SLC35F6: variants seen among roughly 807,000 people sequenced by gnomAD.
SLC35F6 encodes the protein solute carrier family 35 member F6.
Under a neutral mutation model 29.4 loss-of-function variants are expected in SLC35F6, and 26 were observed. That is an observed-to-expected ratio of 0.89 (90% CI 0.65 to 1.23). The LOEUF is 1.23. SLC35F6 is among the 50% of genes most tolerant of loss of function. The pLI is 0.00. For synonymous variants in SLC35F6, 174 were observed against 206.6 expected (o/e 0.84, Z 1.35); for missense variants, 428 against 487.8 (o/e 0.88, Z 1.15).
intron 1 of SLC35F6, among the ~76,000 whole-genome samples, chr2:26,773,096 T>C (rs968739027): frequency 3.9e-5 from 6 of 152,200 alleles, no homozygotes; most frequent in Non-Finnish European, 7.3e-5. Context: ...AGGACCCAAA[T>C]ACTCCTGTAG....
chr2:26,770,859 G>GC (rs1215152060), intron 1 of SLC35F6, among the ~76,000 whole-genome samples: 1 of 152,224 alleles, frequency 6.6e-6, no homozygotes, highest in Non-Finnish European at 1.5e-5. Flanking sequence ...AGCCTGTGAG[G>GC]CTGGGGTCTT....
In SLC35F6 at chr2:26,776,308, A is replaced by G. The variant is rs569958045; in HGVS notation, c.536-64A>G. 25 of 1,497,040 alleles carry G rather than the reference A, an allele frequency of 1.7e-5. No homozygotes were observed. In the African/African-American group the frequency reaches 2.9e-4, roughly 17 times the overall value. 92.7% of individuals were successfully genotyped at this position (1,497,040 alleles called of 1,614,324 possible). On this transcript the variant is annotated intron_variant, in intron 4 of 5. Coordinates refer to ENST00000344420, the MANE Select transcript of SLC35F6 (RefSeq NM_017877.4). ...GCTGGCATGTTTGGTCGCTGTGGCC[A>G]TGCTCTCCTGGCCCCCAGCCCCAGT...
Position 26,774,212 on chromosome 2 carries a change from G to T in SLC35F6, c.78-39G>T, listed in dbSNP as rs775769193. ...AGCCTCTTCACTAGCACCAGGGTAG[G>T]ATGCTGACAGGGTCTGACCTTCCCT... On this transcript the variant is annotated intron_variant, in intron 1 of 5. Transcript: ENST00000344420. The T allele has an allele frequency of 2.4e-5, 38 of 1,612,606 alleles. No individual in the cohort carries two copies. The South Asian group carries it at 2.8e-4, about 12-fold the overall frequency.
chr2:26,767,230 C>G (rs1664111037), intron 1 of SLC35F6, among the ~76,000 whole-genome samples: 1 of 152,206 alleles, frequency 6.6e-6, no homozygotes, highest in Admixed American at 6.5e-5. Flanking sequence ...TAAGTGGCAT[C>G]TGCGCTCCCA....
intron 1 of SLC35F6, among the ~76,000 whole-genome samples, chr2:26,767,205 GAAGTTGTAAACCTGT>G (rs1483177169): frequency 2.0e-5 from 3 of 152,204 alleles, no homozygotes; most frequent in Non-Finnish European, 2.9e-5. Flanking sequence ...TGTGCTTGTG[GAAGTTGTAAACCTGT>G]AAGTGGCATC....
In SLC35F6 at chr2:26,776,549, C is replaced by T; in HGVS notation, c.646+67C>T. 7 of 1,447,296 alleles carry T rather than the reference C, an allele frequency of 4.8e-6. No individual in the cohort carries two copies. In the South Asian group the frequency reaches 7.0e-5, roughly 14 times the overall value. 89.7% of individuals were successfully genotyped at this position (1,447,296 alleles called of 1,614,324 possible). On this transcript the variant is annotated intron_variant, in intron 5 of 5. Transcript: ENST00000344420. ...GGAGCCTGGGGAGCTGAGCACAGGACAAGGTGCCAGGGTTCACTTGTGGGG... is the reference window on the plus strand; with the variant it reads ...GGAGCCTGGGGAGCTGAGCACAGGATAAGGTGCCAGGGTTCACTTGTGGGG...
intron 1 of SLC35F6, among the ~76,000 whole-genome samples, chr2:26,770,633 A>G (rs1023991618): frequency 6.6e-6 from 1 of 152,046 alleles, no homozygotes; most frequent in East Asian, 1.9e-4. Flanking sequence ...CAGGAGAATC[A>G]CTTGAACCTG....
chr2:26,764,315 G>A lies in SLC35F6; in HGVS notation c.-35G>A, dbSNP rs1185328869. The A allele has an allele frequency of 1.9e-6, 3 of 1,546,872 alleles. No homozygotes were observed. The highest frequency in any genetic ancestry group is 1.8e-4 in the Middle Eastern group (1 of 5,640). On this transcript the variant is annotated 5_prime_UTR_variant, in exon 1 of 6. Transcript: ENST00000344420. ...GAGACCCCGGGTGACGGGGCCCGGC[G>A]CCGCTAACTGGAGCGAACCCCAGCG...
chr2:26,772,284 A>T (rs1558292649), intron 1 of SLC35F6, among the ~76,000 whole-genome samples: 1 of 152,082 alleles, frequency 6.6e-6, no homozygotes, highest in Non-Finnish European at 1.5e-5. Flanking sequence ...GCCCTTTGGG[A>T]GCTGAGGCTC....
rs769335127 is a variant in SLC35F6 at position 26,775,439 on chromosome 2, CTG to C, written c.323-23_323-22del. ...GATGGCCTTCGCCTTGGGAAGCTAA[CTG>C]TAATTTGTTTCTCCTTTCCTAGCTC... On this transcript the variant is annotated intron_variant, in intron 3 of 5. Coordinates refer to ENST00000344420, the MANE Select transcript of SLC35F6 (RefSeq NM_017877.4). This position sits in a 1 kb window ranked among gnomAD's most constrained non-coding sequence, Gnocchi z 4.6. 2 of 1,607,570 alleles carry C rather than the reference CTG, an allele frequency of 1.2e-6. No individual in the cohort carries two copies. The highest frequency in any genetic ancestry group is 8.5e-7 in the Non-Finnish European group (1 of 1,176,858).
chr2:26,772,012 TCAACTCTCCTTTGC>T (rs1664205349), intron 1 of SLC35F6, among the ~76,000 whole-genome samples: 1 of 152,184 alleles, frequency 6.6e-6, no homozygotes, highest in African/African-American at 2.4e-5. Context: ...ACTTCTCCCT[TCAACTCTCCTTTGC>T]CCCTGCCATT....
chr2:26,766,929 G>A (rs1664106438), intron 1 of SLC35F6, among the ~76,000 whole-genome samples: 1 of 152,198 alleles, frequency 6.6e-6, no homozygotes, highest in Admixed American at 6.5e-5. Flanking sequence ...ACCACCACTG[G>A]AGGGTGTGGC....
In SLC35F6 at chr2:26,778,872, A is replaced by G. The variant is rs906636749; in HGVS notation, c.*361A>G. ...ATAGTTATCTAGTTTATGAGTCATA[A>G]GCTAGATTTGATTCTTCAAAGAAGA... On this transcript the variant is annotated 3_prime_UTR_variant, in exon 6 of 6. Transcript: ENST00000344420. 1 of 236,562 alleles carries G rather than the reference A, an allele frequency of 4.2e-6. No homozygotes were observed. Among genetic ancestry groups the G allele is most frequent in the Admixed American group, 5.1e-5 (1 of 19,452 alleles). 14.7% of individuals were successfully genotyped at this position (236,562 alleles called of 1,614,324 possible).
intron 2 of SLC35F6, 33 bp downstream of exon 2, chr2:26,774,356 C>T (rs766257768): frequency 3.1e-6 from 5 of 1,612,338 alleles, no homozygotes; most frequent in Non-Finnish European, 4.2e-6. Flanking sequence ...CCTCCTGTCT[C>T]CCGGGCCTCA....
rs776613376 is a variant in SLC35F6 at position 26,775,488 on chromosome 2, G to A, written c.347G>A (p.Ser116Asn). ...GCTCTGAACATGACCAGTGCCTCCA[G>A]CTTCCAGATGCTGCGGGGTGCAGTG... ...YVALNMTSAS[S>N]FQMLRGAVII... Residue 116 changes from serine to asparagine, a missense_variant, in exon 4 of 6, where the codon AGC becomes AAC. By Grantham distance (46) the Ser-to-Asn change is conservative. Transcript: ENST00000344420. The surrounding 1 kb of genome is among the most constrained non-coding windows in gnomAD (Gnocchi z 4.6). 5 of 1,612,762 alleles carry A rather than the reference G, an allele frequency of 3.1e-6. No individual in the cohort carries two copies. The highest frequency in any genetic ancestry group is 3.4e-6 in the Non-Finnish European group (4 of 1,179,960).
intron 1 of SLC35F6, among the ~76,000 whole-genome samples, chr2:26,768,963 A>T (rs184568861): frequency 6.6e-6 from 1 of 152,148 alleles, no homozygotes; most frequent in Non-Finnish European, 1.5e-5. Flanking sequence ...TTTCCATTCC[A>T]TGGAGATGAG....
chr2:26,769,721 G>A (rs925718645), intron 1 of SLC35F6, among the ~76,000 whole-genome samples: 4 of 152,202 alleles, frequency 2.6e-5, no homozygotes. Context: ...ACAGGTTCCA[G>A]ACGTTTTTCC....
Position 26,775,650 on chromosome 2 carries a change from A to G in SLC35F6, c.509A>G (p.Gln170Arg), listed in dbSNP as rs769329262. ...GACCTCCTGAGCAAGCACGACAGTC[A>G]GCACAAGCTCAGCGAAGTGATCACA... ...LADLLSKHDS[Q>R]HKLSEVITGD... The change falls in exon 4 of 6, where the codon CAG becomes CGG. Residue 170 changes from glutamine (Q) to arginine (R), a missense_variant. Physicochemically the swap from Gln to Arg is conservative, Grantham distance 43 (BLOSUM62 1). Transcript: ENST00000344420. This position sits in a 1 kb window ranked among gnomAD's most constrained non-coding sequence, Gnocchi z 4.6. The G allele has an allele frequency of 5.0e-6, 8 of 1,595,132 alleles. No individual in the cohort carries two copies. Among genetic ancestry groups the G allele is most frequent in the Non-Finnish European group, 5.1e-6 (6 of 1,173,756 alleles).
chr2:26,764,320 T>C lies in SLC35F6; in HGVS notation c.-30T>C, dbSNP rs1274803360. 6 of 1,548,294 alleles carry C rather than the reference T, an allele frequency of 3.9e-6. No homozygotes were observed. The African/African-American group carries it at 6.9e-5, about 18-fold the overall frequency. On this transcript the variant is annotated 5_prime_UTR_variant, in exon 1 of 6. Transcript: ENST00000344420. ...CCCGGGTGACGGGGCCCGGCGCCGC[T>C]AACTGGAGCGAACCCCAGCGTCCGC... is the stretch of plus-strand genomic sequence containing the variant.
Sources: allele counts gnomAD v4.1 joint callset (sites outside exome capture counted in the v4.1 genomes callset), GRCh38; gene constraint gnomAD v4.1.1; non-coding constraint Gnocchi (gnomAD v3.1); transcripts MANE v1.5; gene names NCBI Gene and HGNC (gene_info 2026-07-23, HGNC 2026-07-21).